Variants in MROH2B observed in about 807,000 individuals in gnomAD.
MROH2B encodes maestro heat-like repeat-containing protein family member 2B.
Under a neutral mutation model 208.6 loss-of-function variants are expected in MROH2B, and 177 were observed. That is an observed-to-expected ratio of 0.85 (90% CI 0.75 to 0.96). MROH2B has a LOEUF of 0.96. MROH2B is among the 40% of genes least tolerant of loss of function. MROH2B has a pLI of 0.00. For missense variants in MROH2B, 2,002 were observed against 1,878.7 expected (o/e 1.07, Z -1.21); for synonymous variants, 728 against 659.0 (o/e 1.10, Z -1.60).
intron 16 of MROH2B, 145 bp downstream of exon 16, chr5:41,048,179 G>T (rs1743179743): frequency 2.0e-6 from 2 of 984,368 alleles, no homozygotes; most frequent in Non-Finnish European, 2.8e-6. Flanking sequence ...GAGTTAAGAA[G>T]AAAAAAATAG....
intron 24 of MROH2B, among the ~76,000 whole-genome samples, chr5:41,021,638 G>C (rs1742151843): frequency 1.3e-5 from 2 of 152,154 alleles, no homozygotes; most frequent in African/African-American, 4.8e-5. Context: ...AGCATTTTGG[G>C]AGGCTGAGGT....
At chr5:41,069,963 C>G (rs950630270) in intron 1 of MROH2B, among the ~76,000 whole-genome samples, 1 of 152,076 alleles carries the variant, frequency 6.6e-6, no homozygotes, top group Non-Finnish European at 1.5e-5. Flanking sequence ...ATTTTTGAAA[C>G]CTGAATCAAA....
chr5:41,033,189 C>T (rs1438315945), intron 22 of MROH2B, 29 bp from the exon 23 acceptor site: 1 of 1,609,840 alleles, frequency 6.2e-7, no homozygotes, highest in Non-Finnish European at 8.5e-7. Flanking sequence ...CAATGCAAGT[C>T]AAGGTCTAAG....
At chr5:41,001,149 G>C (rs535970500) in intron 37 of MROH2B, among the ~76,000 whole-genome samples, 1 of 152,290 alleles carries the variant, frequency 6.6e-6, no homozygotes, top group East Asian at 1.9e-4. Context: ...GGTACTCATA[G>C]AGAAAGCCAG....
intron 13 of MROH2B, among the ~76,000 whole-genome samples, 176 bp downstream of exon 13, chr5:41,050,801 A>G (rs761436180): frequency 5.9e-5 from 9 of 152,214 alleles, no homozygotes; most frequent in African/African-American, 1.7e-4. Flanking sequence ...TTAATTCAAC[A>G]TCTGTTTTTG....
intron 17 of MROH2B, among the ~76,000 whole-genome samples, chr5:41,046,785 G>C (rs949268062): frequency 6.6e-6 from 1 of 152,094 alleles, no homozygotes; most frequent in Admixed American, 6.6e-5. Flanking sequence ...AAGGAAATCT[G>C]GTAGGAATTT....
intron 22 of MROH2B, 72 bp downstream of exon 22, chr5:41,033,766 C>T: frequency 1.7e-6 from 2 of 1,207,470 alleles, no homozygotes; most frequent in Non-Finnish European, 2.3e-6. Context: ...TTGCTTGGCA[C>T]ACTTCAGGGG....
At chr5:41,000,407 A>AG (rs1241425113) in intron 38 of MROH2B, 56 bp from the exon 39 acceptor site, 4 of 1,594,842 alleles carry the variant, frequency 2.5e-6, no homozygotes, top group Admixed American at 3.6e-5. Flanking sequence ...TCCTTCCAGA[A>AG]GGGAAAAAAT....
chr5:41,059,192 C>T (rs568772886), intron 6 of MROH2B, among the ~76,000 whole-genome samples: 9 of 152,136 alleles, frequency 5.9e-5, no homozygotes, highest in South Asian at 2.1e-4. Flanking sequence ...CTCTACCTCT[C>T]ACCTCCCATT....
At chr5:41,002,172 A>C (rs539803333) in intron 37 of MROH2B, among the ~76,000 whole-genome samples, 1 of 152,250 alleles carries the variant, frequency 6.6e-6, no homozygotes, top group Non-Finnish European at 1.5e-5. Flanking sequence ...TTAGTTAAAA[A>C]AGCTTGAATT....
Position 41,004,829 on chromosome 5 carries a change from A to G in MROH2B, c.3956T>C (p.Leu1319Pro). ...DQSAWDSNAT[L>P]RQMAIRGLGN... is the part of the protein sequence containing the mutation. ...GAGCCCTCGGATGGCCATCTGCCTCAGAGTGGCGTTGGAGTCCCAGGCACT... is the reference window on the plus strand; with the variant it reads ...GAGCCCTCGGATGGCCATCTGCCTCGGAGTGGCGTTGGAGTCCCAGGCACT... The change falls in exon 36 of 42, where the codon CTG becomes CCG. Residue 1319 changes from leucine to proline, a missense_variant. Coordinates refer to ENST00000399564, the MANE Select transcript of MROH2B (RefSeq NM_173489.5). 2.5e-6 allele frequency: 4 copies of G among 1,614,038 alleles called. No homozygotes were observed. Among genetic ancestry groups the G allele is most frequent in the Non-Finnish European group, 3.4e-6 (4 of 1,179,876 alleles).
chr5:41,040,285 C>T (rs1742902284), intron 19 of MROH2B, among the ~76,000 whole-genome samples: 1 of 152,198 alleles, frequency 6.6e-6, no homozygotes, highest in Admixed American at 6.5e-5. Context: ...TATATTCCCT[C>T]TGTCCCCACC....
Position 41,057,164 on chromosome 5 carries a change from T to C in MROH2B, c.864A>G (p.Pro288=). 2 of 1,613,990 alleles carry C rather than the reference T, an allele frequency of 1.2e-6. No individual in the cohort carries two copies. The highest frequency in any genetic ancestry group is 1.1e-5 in the South Asian group (1 of 91,060). ...TTTCATTTTCCTTTACTGGAGGCTC[T>C]GGAGCTCTGCAGATCTGAATGGGGG... ...INLLQQICRA[P]EPPVKENEMK... Residue 288 remains proline, a synonymous_variant, in exon 9 of 42, where the codon CCA becomes CCG. Transcript: ENST00000399564.
chr5:41,042,187 C>T lies in MROH2B; in HGVS notation c.1858G>A (p.Gly620Arg). 6.4e-7 allele frequency: 1 copy of T among 1,573,934 alleles called. No homozygotes were observed. ...TCTTGGCAGCATGCTAAGGTGGTTC[C>T]CAAGGCTTTCCAAAGGAATTTCTGG... ...TEKKFLWKALGTTLACCQDSD... is the reference protein window; with the variant it reads ...TEKKFLWKALRTTLACCQDSD... The change falls in exon 19 of 42, where the codon GGA becomes AGA. Residue 620 changes from glycine to arginine, a missense_variant. Transcript: ENST00000399564.
intron 30 of MROH2B, among the ~76,000 whole-genome samples, chr5:41,011,024 G>C (rs1741757673): frequency 6.6e-6 from 1 of 152,092 alleles, no homozygotes; most frequent in Non-Finnish European, 1.5e-5. Flanking sequence ...AGTGCAGAGA[G>C]AATGAAGATA....
At chr5:41,010,818 G>A (rs575305915) in intron 30 of MROH2B, among the ~76,000 whole-genome samples, 27 of 152,136 alleles carry the variant, frequency 1.8e-4, no homozygotes, top group African/African-American at 4.6e-4. Context: ...TTTACTGATC[G>A]TAACAAATCT....
In MROH2B at chr5:41,059,632, A is replaced by G. The variant is rs927381351; in HGVS notation, c.616-1429T>C. Among the ~76,000 whole-genome samples, 18 of 152,084 alleles carry G rather than the reference A, an allele frequency of 1.2e-4. 1 individual carries two copies. Among genetic ancestry groups the G allele is most frequent in the African/African-American group, 4.3e-4 (18 of 41,406 alleles). ...TTCCAAGCAATGGACACTTGTCAAGATTTTTCTTGAGTGCTGTAACACTCA... is the reference window on the plus strand; with the variant it reads ...TTCCAAGCAATGGACACTTGTCAAGGTTTTTCTTGAGTGCTGTAACACTCA... On this transcript the variant is annotated intron_variant, in intron 6 of 41. Transcript: ENST00000399564.
chr5:41,032,843 T>G lies in MROH2B; in HGVS notation c.2362-22A>C, dbSNP rs778216278. 3 of 1,603,100 alleles carry G rather than the reference T, an allele frequency of 1.9e-6. No homozygotes were observed. In the African/African-American group the frequency reaches 4.0e-5, roughly 21 times the overall value. On this transcript the variant is annotated intron_variant, in intron 23 of 41. Transcript: ENST00000399564. ...AGTCCTGAAACATAAATAAGGAGATTAAATGTTTCAGAAAGGCTCAGGAAA... is the reference window on the plus strand; with the variant it reads ...AGTCCTGAAACATAAATAAGGAGATGAAATGTTTCAGAAAGGCTCAGGAAA...
rs201600264 is a variant in MROH2B at position 41,004,932 on chromosome 5, A to G, written c.3865-12T>C. 14 of 1,613,072 alleles carry G rather than the reference A, an allele frequency of 8.7e-6. No individual in the cohort carries two copies. The African/African-American group carries it at 1.7e-4, about 20-fold the overall frequency. On this transcript the variant is annotated splice_polypyrimidine_tract_variant and intron_variant, in intron 35 of 41. Coordinates refer to ENST00000399564, the MANE Select transcript of MROH2B (RefSeq NM_173489.5). Reference sequence around the variant, plus strand: ...GGTTCCTTCATGAGCTGAAATAATCAACACACTCCTCCCGTTTAGTTAAGG... The same window carrying G: ...GGTTCCTTCATGAGCTGAAATAATCGACACACTCCTCCCGTTTAGTTAAGG...
Sources: gnomAD v4.1 joint callset for allele counts (sites outside exome capture counted in the v4.1 genomes callset) on GRCh38, gnomAD v4.1.1 for gene constraint, MANE v1.5 for transcripts, NCBI Gene and HGNC (gene_info 2026-07-23, HGNC 2026-07-21) for gene names.